GRIK2: variants seen among roughly 807,000 people sequenced by gnomAD.
GRIK2 encodes glutamate ionotropic receptor kainate type subunit 2.
A neutral mutation model predicts 100.3 loss-of-function variants in GRIK2; 32 were observed. The ratio of observed to expected loss-of-function variants is 0.32; its 90% CI spans 0.24 to 0.43. The LOEUF is 0.43. Among genes scored for constraint, GRIK2 ranks in the 20% least tolerant of loss-of-function variants. The pLI is 1.00. For missense variants in GRIK2, 843 were observed against 1,114.9 expected (o/e 0.76, Z 3.47); for synonymous variants, 417 against 389.4 (o/e 1.07, Z -0.83).
intron 2 of GRIK2, among the ~76,000 whole-genome samples, chr6:101,421,328 A>C (rs958243815): frequency 1.3e-5 from 2 of 152,198 alleles, no homozygotes; most frequent in Non-Finnish European, 2.9e-5. Flanking sequence ...GGAGGATGGC[A>C]CTGCCTTTAG....
chr6:101,547,175 G>T (rs1425883383), intron 2 of GRIK2, among the ~76,000 whole-genome samples: 2 of 151,982 alleles, frequency 1.3e-5, no homozygotes, highest in African/African-American at 4.8e-5. Context: ...ATAAACTCCT[G>T]CCATCTACAT....
intron 14 of GRIK2, among the ~76,000 whole-genome samples, chr6:101,944,231 CAATT>C (rs1230745369): frequency 6.6e-6 from 1 of 152,116 alleles, no homozygotes. Flanking sequence ...AACTTTGACT[CAATT>C]AAACCTCTTT....
intron 9 of GRIK2, among the ~76,000 whole-genome samples, chr6:101,807,218 G>A (rs1781060569): frequency 6.6e-6 from 1 of 151,910 alleles, no homozygotes; most frequent in Admixed American, 6.6e-5. Context: ...GTGGGTTGGG[G>A]TCATGGGTCA....
intron 2 of GRIK2, among the ~76,000 whole-genome samples, chr6:101,452,467 T>A (rs912062293): frequency 1.1e-4 from 16 of 151,594 alleles, no homozygotes; most frequent in Non-Finnish European, 1.2e-4. Flanking sequence ...TTTCATTTTT[T>A]AAAAAGTTCT....
intron 15 of GRIK2, among the ~76,000 whole-genome samples, chr6:102,053,303 T>C (rs1419253228): frequency 3.3e-5 from 5 of 152,126 alleles, no homozygotes; most frequent in Non-Finnish European, 7.3e-5. Context: ...GCAGGGAAAA[T>C]ATATCATTAT....
At chr6:101,878,118 TATTATATTA>T (rs1785991210) in intron 11 of GRIK2, among the ~76,000 whole-genome samples, 3 of 131,088 alleles carry the variant, frequency 2.3e-5, no homozygotes, top group Non-Finnish European at 4.8e-5. Flanking sequence ...TATTATATTA[TATTATATTA>T]TATTAATGTA....
In GRIK2 at chr6:101,799,888, A is replaced by G. The variant is rs764146582; in HGVS notation, c.1095+97A>G. ...TTTCTAGCAAGTGTCCTTTTACTTT[A>G]TGTTTAATTTAAATTTTCTCTCTTA... On this transcript the variant is annotated intron_variant, in intron 8 of 16. Transcript: ENST00000369134. 340 of 923,992 alleles carry G rather than the reference A, an allele frequency of 3.7e-4. 2 individuals are homozygous for G. The highest frequency in any genetic ancestry group is 5.2e-4 in the Non-Finnish European group (314 of 607,484). 57.2% of individuals were successfully genotyped at this position (923,992 alleles called of 1,614,324 possible). A position where few individuals can be genotyped will look rare whatever the true frequency, so the allele number is the denominator to read the frequency against.
intron 2 of GRIK2, among the ~76,000 whole-genome samples, chr6:101,418,408 G>C (rs942409569): frequency 6.6e-6 from 1 of 152,152 alleles, no homozygotes; most frequent in South Asian, 2.1e-4. Context: ...ACGTATCGAG[G>C]GGTGGGGTGA....
chr6:102,036,979 G>T (rs1179358243), intron 15 of GRIK2, among the ~76,000 whole-genome samples: 1 of 151,230 alleles, frequency 6.6e-6, no homozygotes, highest in Non-Finnish European at 1.5e-5. Flanking sequence ...CAATGACTTG[G>T]TTAAAACCGA....
intron 2 of GRIK2, among the ~76,000 whole-genome samples, chr6:101,576,002 T>A (rs1300958734): frequency 6.6e-6 from 1 of 152,002 alleles, no homozygotes; most frequent in Non-Finnish European, 1.5e-5. Context: ...AACCAAGATG[T>A]TTGAGTCTAG....
At chr6:101,933,284 G>A (rs1457824771) in intron 14 of GRIK2, among the ~76,000 whole-genome samples, 1 of 151,846 alleles carries the variant, frequency 6.6e-6, no homozygotes, top group African/African-American at 2.4e-5. Context: ...AGCTTGCAAA[G>A]TGGTCAGTAC....
intron 15 of GRIK2, among the ~76,000 whole-genome samples, chr6:102,045,380 T>C (rs1313913486): frequency 6.6e-6 from 1 of 152,074 alleles, no homozygotes; most frequent in Non-Finnish European, 1.5e-5. Flanking sequence ...TTCTCTCTCT[T>C]CTCTTTCCAT....
chr6:101,612,945 G>T (rs1271887086), intron 2 of GRIK2, among the ~76,000 whole-genome samples: 1 of 151,576 alleles, frequency 6.6e-6, no homozygotes, highest in African/African-American at 2.4e-5. Flanking sequence ...GAAAAACTTT[G>T]TAAATAGCAT....
chr6:101,715,849 C>A (rs1296631169), intron 7 of GRIK2, among the ~76,000 whole-genome samples: 1 of 151,796 alleles, frequency 6.6e-6, no homozygotes, highest in African/African-American at 2.4e-5. Flanking sequence ...GTATTCTAAA[C>A]AAGTCATCAC....
chr6:101,585,218 A>G (rs1438842434), intron 2 of GRIK2, among the ~76,000 whole-genome samples: 7 of 152,090 alleles, frequency 4.6e-5, no homozygotes, highest in Non-Finnish European at 7.4e-5. Context: ...CGAATTTTCA[A>G]AATCATTTGT....
chr6:102,027,731 G>A (rs1769777620), intron 14 of GRIK2, among the ~76,000 whole-genome samples: 1 of 150,894 alleles, frequency 6.6e-6, no homozygotes. Flanking sequence ...AGACAGTCAG[G>A]TTCATAAAAG....
At chr6:101,438,307 G>T (rs1769851867) in intron 2 of GRIK2, among the ~76,000 whole-genome samples, 1 of 151,864 alleles carries the variant, frequency 6.6e-6, no homozygotes, top group Non-Finnish European at 1.5e-5. Flanking sequence ...TTTTTGTCTT[G>T]ATCTTAGCCA....
chr6:102,003,774 G>A (rs1046630883), intron 14 of GRIK2, among the ~76,000 whole-genome samples: 2 of 151,606 alleles, frequency 1.3e-5, no homozygotes, highest in South Asian at 2.1e-4. Context: ...AAACCAATAA[G>A]TATCTAATAA....
intron 10 of GRIK2, among the ~76,000 whole-genome samples, chr6:101,844,929 G>T (rs1783718726): frequency 6.6e-6 from 1 of 152,064 alleles, no homozygotes; most frequent in African/African-American, 2.4e-5. Flanking sequence ...CCACTATCTA[G>T]TTCCAGATCA....
Sources: gnomAD v4.1 joint callset for allele counts (sites outside exome capture counted in the v4.1 genomes callset) on GRCh38, gnomAD v4.1.1 for gene constraint, MANE v1.5 for transcripts, NCBI Gene and HGNC (gene_info 2026-07-23, HGNC 2026-07-21) for gene names.